DLGAP2: variants seen among roughly 807,000 people sequenced by gnomAD.
The protein encoded by DLGAP2 is DLG associated protein 2, also known as disks large-associated protein 2.
DLGAP2 carries 26 observed loss-of-function variants against 100.3 expected under a neutral mutation model. That is an observed-to-expected ratio of 0.26 (90% CI 0.19 to 0.36). DLGAP2 has a LOEUF of 0.36. Ranked by LOEUF, DLGAP2 falls within the 10% of genes least tolerant of loss-of-function variation. The probability of loss-of-function intolerance (pLI) is 1.00; values close to 1 mark genes in which losing one functional copy is unlikely to be tolerated. For missense variants in DLGAP2, 1,858 were observed against 1,453.2 expected, an observed-to-expected ratio of 1.28 and a Z score of -4.53; for synonymous variants, 886 against 630.1, an observed-to-expected ratio of 1.41 and a Z score of -6.08.
At chr8:1,659,407 C>T (rs1055119232) in intron 8 of DLGAP2, among the ~76,000 whole-genome samples, 3 of 152,168 alleles carry the variant, frequency 2.0e-5, no homozygotes, top group Non-Finnish European at 2.9e-5. Context: ...TGTTAATTTT[C>T]TGTCTCATTG....
chr8:1,591,743 C>G (rs1436824630), intron 6 of DLGAP2, among the ~76,000 whole-genome samples: 1 of 152,200 alleles, frequency 6.6e-6, no homozygotes, highest in Admixed American at 6.5e-5. Flanking sequence ...CCCCACATCA[C>G]ACCCAACTGC....
At chr8:756,202 G>A (rs1198118763) in intron 1 of DLGAP2, among the ~76,000 whole-genome samples, 2 of 152,160 alleles carry the variant, frequency 1.3e-5, no homozygotes, top group Admixed American at 6.5e-5. Flanking sequence ...AGGAGCTGGC[G>A]TCTGGGGGGG....
intron 3 of DLGAP2, among the ~76,000 whole-genome samples, chr8:1,490,943 G>A (rs944241691): frequency 6.7e-6 from 1 of 150,224 alleles, no homozygotes; most frequent in Non-Finnish European, 1.5e-5. Context: ...GTTAATGGGT[G>A]CAGCACACCA....
intron 6 of DLGAP2, chr8:1,619,789 G>C (rs946707159): frequency 6.6e-6 from 1 of 152,204 alleles, no homozygotes; most frequent in Non-Finnish European, 1.5e-5. Flanking sequence ...AAATGACACC[G>C]TTGGCGAGAG....
At chr8:1,570,896 G>A (rs1802633495) in intron 6 of DLGAP2, among the ~76,000 whole-genome samples, 1 of 150,092 alleles carries the variant, frequency 6.7e-6, no homozygotes, top group Admixed American at 6.6e-5. Flanking sequence ...TGAACTGGAG[G>A]GGCGTCTTCT....
intron 1 of DLGAP2, among the ~76,000 whole-genome samples, chr8:763,316 G>C (rs938964487): frequency 6.6e-6 from 1 of 152,188 alleles, no homozygotes; most frequent in Non-Finnish European, 1.5e-5. Flanking sequence ...TTGAAGTGAA[G>C]ATCACTGTTA....
chr8:1,168,079 T>G (rs1443106686), intron 2 of DLGAP2, among the ~76,000 whole-genome samples: 1 of 131,460 alleles, frequency 7.6e-6, no homozygotes, highest in African/African-American at 2.9e-5. Flanking sequence ...CCCCTTCCTG[T>G]GTCCACGTGT....
chr8:1,001,960 G>A lies in DLGAP2; in HGVS notation c.73+93994G>A, dbSNP rs564307884. Among the ~76,000 whole-genome samples, 117 of 152,264 alleles carry A rather than the reference G, an allele frequency of 7.7e-4. 1 individual carries two copies. The highest frequency in any genetic ancestry group is 2.2e-3 in the African/African-American group (90 of 41,542). On this transcript the variant is annotated intron_variant, in intron 2 of 14. Coordinates refer to ENST00000637795, the MANE Select transcript of DLGAP2 (RefSeq NM_001346810.2). ...TTAAAAATGGTCATATGAACCGGGC[G>A]AATTGACTCTTTTCTGAAAGGTTTT...
intron 3 of DLGAP2, among the ~76,000 whole-genome samples, chr8:1,419,354 G>T (rs1357757691): frequency 4.1e-5 from 3 of 73,762 alleles, no homozygotes; most frequent in Non-Finnish European, 5.4e-5. Context: ...TGTGTGTGTA[G>T]GTTTTGTTTT....
intron 2 of DLGAP2, among the ~76,000 whole-genome samples, chr8:1,200,102 G>T (rs1276070504): frequency 1.3e-5 from 2 of 152,158 alleles, no homozygotes; most frequent in Non-Finnish European, 2.9e-5. Flanking sequence ...TAGGCTGAAG[G>T]GTCGGGGGCG....
chr8:1,236,210 A>G (rs1798649381), intron 2 of DLGAP2, among the ~76,000 whole-genome samples: 1 of 105,568 alleles, frequency 9.5e-6, no homozygotes, highest in Non-Finnish European at 1.9e-5. Context: ...GTTCTCTCAC[A>G]TGGCGCCGTG....
chr8:881,496 C>CTTT (rs533557661), intron 1 of DLGAP2, among the ~76,000 whole-genome samples: 6 of 85,628 alleles, frequency 7.0e-5, no homozygotes, highest in African/African-American at 1.3e-4. Context: ...TTTCATCTCT[C>CTTT]TTTTTTTTTT....
intron 3 of DLGAP2, among the ~76,000 whole-genome samples, chr8:1,420,408 C>T (rs964414960): frequency 2.6e-5 from 4 of 152,146 alleles, no homozygotes; most frequent in Non-Finnish European, 4.4e-5. Flanking sequence ...CTCACTTCTG[C>T]GATTCTCTCT....
At chr8:1,471,788 C>T (rs1722836885) in intron 3 of DLGAP2, among the ~76,000 whole-genome samples, 1 of 152,196 alleles carries the variant, frequency 6.6e-6, no homozygotes, top group African/African-American at 2.4e-5. Context: ...GTTCAAATCC[C>T]ACCTTTGTGG....
intron 12 of DLGAP2, among the ~76,000 whole-genome samples, chr8:1,686,776 TAC>T (rs1194557558): frequency 6.6e-6 from 1 of 151,882 alleles, no homozygotes; most frequent in African/African-American, 2.4e-5. Context: ...GGTACAAAAA[TAC>T]AGTTAGGTGG....
intron 1 of DLGAP2, among the ~76,000 whole-genome samples, chr8:757,960 G>C (rs1324936837): frequency 6.6e-6 from 1 of 152,210 alleles, no homozygotes; most frequent in Non-Finnish European, 1.5e-5. Context: ...AGTGTGTGGG[G>C]TTGAGTCCTG....
chr8:1,526,193 C>G (rs534076014), intron 4 of DLGAP2, among the ~76,000 whole-genome samples: 1 of 151,704 alleles, frequency 6.6e-6, no homozygotes, highest in South Asian at 2.1e-4. Flanking sequence ...GTTCCCTCCT[C>G]TGCTGGAGCC....
chr8:1,682,303 C>T (rs4875888), intron 12 of DLGAP2, among the ~76,000 whole-genome samples: 120,084 of 152,118 alleles, frequency 0.79, 47,667 homozygotes, highest in Middle Eastern at 0.87. Flanking sequence ...ATGAAAGTCC[C>T]TACAAAGGGC....
chr8:866,323 G>A (rs529862154), intron 1 of DLGAP2, among the ~76,000 whole-genome samples: 1 of 152,208 alleles, frequency 6.6e-6, no homozygotes. Flanking sequence ...TCCAGGAAAC[G>A]TGCGTGGGGC....
Sources: allele counts gnomAD v4.1 joint callset (sites outside exome capture counted in the v4.1 genomes callset), GRCh38; gene constraint gnomAD v4.1.1; transcripts MANE v1.5; gene names NCBI Gene and HGNC (gene_info 2026-07-23, HGNC 2026-07-21).